CHEK2: variants seen among roughly 807,000 people sequenced by gnomAD.
CHEK2 encodes serine/threonine-protein kinase Chk2.
CHEK2 carries 71 observed loss-of-function variants against 69.1 expected under a neutral mutation model. The observed-to-expected ratio is 1.03, with a 90% CI of 0.85 to 1.25. The LOEUF (loss-of-function observed/expected upper bound fraction) is 1.25. CHEK2 is among the 50% of genes most tolerant of loss of function. The pLI, the probability that CHEK2 is intolerant of heterozygous loss-of-function variation, is 0.00. For missense variants in CHEK2, 664 were observed against 649.6 expected, an observed-to-expected ratio of 1.02 and a Z score of -0.24; for synonymous variants, 189 against 226.9, an observed-to-expected ratio of 0.83 and a Z score of 1.50.
chr22:28,691,730 T>A (rs1481333413), intron 13 of CHEK2, among the ~76,000 whole-genome samples: 1 of 152,136 alleles, frequency 6.6e-6, no homozygotes, highest in Non-Finnish European at 1.5e-5. Flanking sequence ...AATTGTAATA[T>A]CCCTTGAAAG....
chr22:28,712,996 C>G (rs1237352039), intron 5 of CHEK2, among the ~76,000 whole-genome samples: 1 of 152,194 alleles, frequency 6.6e-6, no homozygotes, highest in African/African-American at 2.4e-5. Context: ...CCCCAGCACT[C>G]AGCCCCCAGC....
At chr22:28,694,191 G>A in intron 12 of CHEK2, 74 bp from the exon 13 acceptor site, 1 of 1,000,226 alleles carries the variant, frequency 1.0e-6, no homozygotes, top group Non-Finnish European at 1.6e-6. Context: ...AGAATTAACA[G>A]GCCACCATTC....
intron 1 of CHEK2, among the ~76,000 whole-genome samples, chr22:28,739,612 C>G (rs1476229420): frequency 4.0e-5 from 6 of 151,732 alleles, no homozygotes; most frequent in African/African-American, 1.5e-4. Flanking sequence ...TCTCTTGAAC[C>G]CGGGAGGCAG....
In CHEK2 at chr22:28,693,865, A is replaced by T. The variant is rs544499547; in HGVS notation, c.1461+167T>A. 2.6e-4 allele frequency among the ~76,000 whole-genome samples: 39 copies of T among 152,278 alleles called. No homozygotes were observed. The East Asian group carries it at 7.0e-3, about 27-fold the overall frequency. ...CAGAACAAGAACCTGTCTCAAAAAA[A>T]AAAATAAAACAGGTTGTAACCCATC... On this transcript the variant is annotated intron_variant, in intron 13 of 14. Transcript: ENST00000404276.
At chr22:28,689,517 T>C in intron 13 of CHEK2, 1 of 382,968 alleles carries the variant, frequency 2.6e-6, no homozygotes, top group Non-Finnish European at 5.0e-6. Context: ...TCCAAGATCC[T>C]GAGAAAGGTG....
At chr22:28,725,537 T>C (rs1569159369) in intron 2 of CHEK2, among the ~76,000 whole-genome samples, 170 bp from the exon 3 acceptor site, 2 of 152,130 alleles carry the variant, frequency 1.3e-5, no homozygotes, top group African/African-American at 2.4e-5. Flanking sequence ...AAAACAACAT[T>C]ACCAATGAGT....
At chr22:28,724,358 G>A (rs1439517421) in intron 4 of CHEK2, among the ~76,000 whole-genome samples, 4 of 152,058 alleles carry the variant, frequency 2.6e-5, no homozygotes, top group East Asian at 3.9e-4. Flanking sequence ...GCGGTGAGCC[G>A]AGATTGCACC....
chr22:28,711,047 A>G (rs2053373315), intron 6 of CHEK2, among the ~76,000 whole-genome samples: 1 of 152,216 alleles, frequency 6.6e-6, no homozygotes, highest in African/African-American at 2.4e-5. Context: ...GGGGAAAAAA[A>G]ATTGATCTTT....
Position 28,695,783 on chromosome 22 carries a change from G to C in CHEK2, c.1186C>G (p.Leu396Val), listed in dbSNP as rs886041172. 5.6e-6 allele frequency: 9 copies of C among 1,613,772 alleles called. No homozygotes were observed. Among genetic ancestry groups the C allele is most frequent in the Non-Finnish European group, 7.6e-6 (9 of 1,179,812 alleles). ...TACCCAGCAGTCCCAACAGAAACAA[G>C]AACTTCAGGCGCCAAGTAGGTGGGG... is the stretch of plus-strand genomic sequence containing the variant. ...GTPTYLAPEVLVSVGTAGYNR... is the reference protein window; with the variant it reads ...GTPTYLAPEVVVSVGTAGYNR... The change falls in exon 11 of 15, where the codon CTT (leucine) becomes GTT (valine). Residue 396 changes from leucine (L) to valine (V), a missense_variant. Transcript: ENST00000404276.
rs764394796 is a variant in CHEK2 at position 28,710,001 on chromosome 22, C to T, written c.846+5G>A. 2.1e-6 allele frequency: 3 copies of T among 1,444,158 alleles called. No individual in the cohort carries two copies. The highest frequency in any genetic ancestry group is 1.1e-5 in the South Asian group (1 of 87,122). The allele number at this position is 1,444,158 out of a possible 1,614,324, so 89.5% of individuals were successfully genotyped here. On this transcript the variant is annotated splice_donor_5th_base_variant and intron_variant, in intron 7 of 14. Transcript: ENST00000404276. ...TCTAAGTATGAGTCATATAATAATA[C>T]TTACATGATTTAGCTTTTTCAAAAT...
chr22:28,706,724 G>C (rs2053161040), intron 7 of CHEK2, among the ~76,000 whole-genome samples: 1 of 152,106 alleles, frequency 6.6e-6, no homozygotes, highest in Non-Finnish European at 1.5e-5. Context: ...TTCGAGACCA[G>C]CCTGGCCAAC....
At chr22:28,739,227 G>T (rs1269842339) in intron 1 of CHEK2, among the ~76,000 whole-genome samples, 1 of 152,078 alleles carries the variant, frequency 6.6e-6, no homozygotes. Context: ...AGTGAGCCGA[G>T]ATCGCACCAC....
At position 28,718,118 on chromosome 22, in the gene CHEK2, C is replaced by T. The variant is rs576451302; in HGVS notation, c.683+1277G>A. Among the ~76,000 whole-genome samples the T allele has an allele frequency of 7.5e-4, 114 of 152,012 alleles. 2 individuals are homozygous for T. The South Asian group carries it at 0.022, about 30-fold the overall frequency. On this transcript the variant is annotated intron_variant, in intron 5 of 14. Transcript: ENST00000404276. ...GTTATCACCAATAAAATTCGTGAGGCGAAAGAGTTAATTTCACCTCAAACA... is the reference window on the plus strand; with the variant it reads ...GTTATCACCAATAAAATTCGTGAGGTGAAAGAGTTAATTTCACCTCAAACA...
intron 5 of CHEK2, chr22:28,712,221 AT>A (rs1015971424): frequency 1.7e-6 from 1 of 590,128 alleles, no homozygotes; most frequent in African/African-American, 1.9e-5. Flanking sequence ...TCAGCTCCAA[AT>A]TCCATTTCTG....
At chr22:28,706,429 G>A (rs934089837) in intron 7 of CHEK2, among the ~76,000 whole-genome samples, 2 of 152,060 alleles carry the variant, frequency 1.3e-5, no homozygotes, top group African/African-American at 2.4e-5. Context: ...CAGGTTTTTT[G>A]TGTGTTTTTT....
chr22:28,707,892 A>G (rs1488260423), intron 7 of CHEK2, among the ~76,000 whole-genome samples: 2 of 134,938 alleles, frequency 1.5e-5, no homozygotes, highest in African/African-American at 5.6e-5. Flanking sequence ...GCTGGAGTGC[A>G]GTGGCACAAT....
chr22:28,700,347 G>A (rs1347750312), intron 8 of CHEK2, among the ~76,000 whole-genome samples: 1 of 151,984 alleles, frequency 6.6e-6, no homozygotes, highest in Non-Finnish European at 1.5e-5. Context: ...AAGTAGCTGG[G>A]ATTACAGGTA....
chr22:28,694,936 T>C (rs1156736420), intron 12 of CHEK2, among the ~76,000 whole-genome samples, 191 bp downstream of exon 12: 2 of 152,170 alleles, frequency 1.3e-5, no homozygotes, highest in Admixed American at 6.6e-5. Flanking sequence ...CACAGCTAAG[T>C]AGTAGCAGAC....
intron 8 of CHEK2, among the ~76,000 whole-genome samples, chr22:28,701,917 G>T (rs1168344995): frequency 6.6e-6 from 1 of 151,488 alleles, no homozygotes; most frequent in Admixed American, 6.6e-5. Flanking sequence ...AATGGCGTAA[G>T]ATTTGCATAT....
Sources: allele counts gnomAD v4.1 joint callset (sites outside exome capture counted in the v4.1 genomes callset), GRCh38; gene constraint gnomAD v4.1.1; transcripts MANE v1.5; gene names NCBI Gene and HGNC (gene_info 2026-07-23, HGNC 2026-07-21).